The following CYP19A1 variants were observed in gnomAD, a reference collection of about 807,000 sequenced individuals.
CYP19A1 encodes the protein aromatase.
In CYP19A1, 32 loss-of-function variants were observed where a neutral mutation model predicts 44.4. The ratio of observed to expected loss-of-function variants is 0.72; its 90% CI spans 0.54 to 0.97. The LOEUF (loss-of-function observed/expected upper bound fraction) is 0.97, where lower values mean the gene tolerates loss of function less well. Among genes scored for constraint, CYP19A1 ranks in the 50% least tolerant of loss-of-function variants. The pLI, the probability that CYP19A1 is intolerant of heterozygous loss-of-function variation, is 0.00. For missense variants in CYP19A1, 598 were observed against 637.8 expected (o/e 0.94, Z 0.67); for synonymous variants, 212 against 215.6 (o/e 0.98, Z 0.14).
At chr15:51,231,939 C>T (rs537364433) in intron 3 of CYP19A1, among the ~76,000 whole-genome samples, 4 of 151,962 alleles carry the variant, frequency 2.6e-5, no homozygotes, top group Admixed American at 1.3e-4. Flanking sequence ...TCAAGGCCAA[C>T]CCATCCACTT....
intron 1 of CYP19A1, among the ~76,000 whole-genome samples, chr15:51,250,293 G>C (rs552743415): frequency 2.6e-5 from 4 of 152,344 alleles, no homozygotes; most frequent in Admixed American, 1.3e-4. Context: ...TCACCTCTGA[G>C]GTTCCGTGAC....
intron 2 of CYP19A1, among the ~76,000 whole-genome samples, chr15:51,237,706 G>C (rs1256469581): frequency 6.6e-6 from 1 of 152,194 alleles, no homozygotes; most frequent in Non-Finnish European, 1.5e-5. Flanking sequence ...TTTTAGCCGA[G>C]AGTAGTGGCT....
chr15:51,290,302 T>C (rs2035812895), intron 1 of CYP19A1, among the ~76,000 whole-genome samples: 1 of 152,194 alleles, frequency 6.6e-6, no homozygotes. Flanking sequence ...AACAGCAAAG[T>C]TCGCAGCACA....
At chr15:51,326,948 A>G (rs910801885) in intron 1 of CYP19A1, among the ~76,000 whole-genome samples, 7 of 152,198 alleles carry the variant, frequency 4.6e-5, no homozygotes, top group African/African-American at 1.7e-4. Context: ...CCATGACCAT[A>G]CAGGTAGTTG....
At chr15:51,309,228 T>C (rs928541493) in intron 1 of CYP19A1, among the ~76,000 whole-genome samples, 1 of 152,208 alleles carries the variant, frequency 6.6e-6, no homozygotes, top group Non-Finnish European at 1.5e-5. Flanking sequence ...CTCTTTCTGC[T>C]ATGTGAGAAT....
chr15:51,215,561 C>A, intron 7 of CYP19A1, 142 bp downstream of exon 7: 4 of 1,520,796 alleles, frequency 2.6e-6, no homozygotes, highest in South Asian at 2.4e-5. Context: ...AATGTGTGGG[C>A]TATTTGGATT....
At chr15:51,300,586 G>A (rs539682350) in intron 1 of CYP19A1, among the ~76,000 whole-genome samples, 2 of 152,148 alleles carry the variant, frequency 1.3e-5, no homozygotes, top group African/African-American at 2.4e-5. Flanking sequence ...CTCCCACCAC[G>A]CCTGCCAGGC....
chr15:51,232,222 C>G (rs1376851617), intron 3 of CYP19A1, among the ~76,000 whole-genome samples: 2 of 152,124 alleles, frequency 1.3e-5, no homozygotes, highest in Non-Finnish European at 2.9e-5. Context: ...CTTTTGCCCC[C>G]ACTAGTCCAT....
Position 51,216,243 on chromosome 15 carries a change from C to T in CYP19A1, c.744-426G>A, listed in dbSNP as rs532742932. The stretch of plus-strand genomic sequence containing the variant: ...ATTCCCTTGTCTTACATTCCCATAG[C>T]CTGCTTTTTCTTTTTTTCTTTTAAC... On this transcript the variant is annotated intron_variant, in intron 6 of 9. Coordinates refer to ENST00000396402, the MANE Select transcript of CYP19A1 (RefSeq NM_000103.4). 3.9e-5 allele frequency among the ~76,000 whole-genome samples: 6 copies of T among 152,104 alleles called. No individual in the cohort carries two copies. The East Asian group carries it at 1.2e-3, about 29-fold the overall frequency.
intron 1 of CYP19A1, among the ~76,000 whole-genome samples, chr15:51,261,229 G>T (rs757280836): frequency 1.3e-4 from 20 of 152,130 alleles, no homozygotes; most frequent in Non-Finnish European, 2.6e-4. Context: ...ATGGCCCAAG[G>T]TTCCATTCCT....
intron 1 of CYP19A1, among the ~76,000 whole-genome samples, chr15:51,317,793 C>T (rs968141286): frequency 1.3e-5 from 2 of 152,182 alleles, no homozygotes; most frequent in Admixed American, 1.3e-4. Flanking sequence ...AATGAAGAAG[C>T]CCAGACCTCA....
chr15:51,237,581 C>A (rs1013262493), intron 2 of CYP19A1, among the ~76,000 whole-genome samples: 1 of 152,106 alleles, frequency 6.6e-6, no homozygotes, highest in African/African-American at 2.4e-5. Context: ...AAAAAGACTC[C>A]GTTTAAGAAA....
At chr15:51,313,238 T>TA (rs1294076844) in intron 1 of CYP19A1, 1 of 152,256 alleles carries the variant, frequency 6.6e-6, no homozygotes, top group Non-Finnish European at 1.5e-5. Flanking sequence ...TGCAAGGGAA[T>TA]AGGCCTTCTC....
chr15:51,278,669 C>T (rs2035411527), intron 1 of CYP19A1, among the ~76,000 whole-genome samples: 1 of 152,216 alleles, frequency 6.6e-6, no homozygotes, highest in African/African-American at 2.4e-5. Flanking sequence ...ATTGTCACTG[C>T]ATCAGGTTCA....
chr15:51,262,623 C>T (rs2034772548), intron 1 of CYP19A1, among the ~76,000 whole-genome samples: 1 of 152,220 alleles, frequency 6.6e-6, no homozygotes, highest in Non-Finnish European at 1.5e-5. Flanking sequence ...GAGGCCTCCT[C>T]ACTCCCCCAG....
At chr15:51,329,200 C>T (rs2036660869) in intron 1 of CYP19A1, among the ~76,000 whole-genome samples, 1 of 152,168 alleles carries the variant, frequency 6.6e-6, no homozygotes, top group Non-Finnish European at 1.5e-5. Flanking sequence ...CCTCCCTTCT[C>T]GTCACTGACT....
At position 51,280,295 on chromosome 15, in the gene CYP19A1, TCA is replaced by T. The variant is rs936148406; in HGVS notation, c.-38-37347_-38-37346del. 2.9e-4 allele frequency among the ~76,000 whole-genome samples: 44 copies of T among 152,080 alleles called. 1 individual carries two copies. Among genetic ancestry groups the T allele is most frequent in the South Asian group, 8.4e-4 (4 of 4,788 alleles). ...TGTATTTTTTAGTAGAGACGGGGTT[TCA>T]CAGTCTTAGCCAGGATGGTCTTGAT... is the stretch of plus-strand genomic sequence containing the variant. On this transcript the variant is annotated intron_variant, in intron 1 of 9. Transcript: ENST00000396402.
intron 1 of CYP19A1, among the ~76,000 whole-genome samples, chr15:51,268,423 A>G (rs983488498): frequency 9.9e-5 from 15 of 152,110 alleles, no homozygotes; most frequent in African/African-American, 3.6e-4. Context: ...GTTCATATCA[A>G]TAGTTTGTTC....
At chr15:51,248,465 T>A (rs2034163109) in intron 1 of CYP19A1, among the ~76,000 whole-genome samples, 1 of 152,232 alleles carries the variant, frequency 6.6e-6, no homozygotes, top group Admixed American at 6.5e-5. Flanking sequence ...CACCATTTTA[T>A]CTAATGAAAG....
Sources: gnomAD v4.1 joint callset for allele counts (sites outside exome capture counted in the v4.1 genomes callset) on GRCh38, gnomAD v4.1.1 for gene constraint, MANE v1.5 for transcripts, NCBI Gene and HGNC (gene_info 2026-07-23, HGNC 2026-07-21) for gene names.